Variants in GCKR observed in about 807,000 individuals in gnomAD.
GCKR encodes glucokinase regulator, also known as glucokinase regulatory protein.
GCKR carries 73 observed loss-of-function variants against 82.9 expected under a neutral mutation model. The observed-to-expected ratio is 0.88, with a 90% confidence interval of 0.73 to 1.07. The LOEUF (loss-of-function observed/expected upper bound fraction) is 1.07, where lower values mean the gene tolerates loss of function less well. GCKR is among the 50% of genes least tolerant of loss of function. GCKR has a pLI of 0.00. For synonymous variants in GCKR, 294 were observed against 291.8 expected (o/e 1.01, Z -0.08); for missense variants, 784 against 782.1 (o/e 1.00, Z -0.03).
intron 8 of GCKR, among the ~76,000 whole-genome samples, chr2:27,502,832 CCACAGTGGGCGATT>C (rs1669617789): frequency 6.6e-6 from 1 of 152,198 alleles, no homozygotes; most frequent in Non-Finnish European, 1.5e-5. Context: ...TGAGGTCCTG[CCACAGTGGGCGATT>C]CACAAATTAT....
rs1558437839 is a variant in GCKR at position 27,507,279 on chromosome 2, A to G, written c.1111A>G (p.Met371Val). 1 of 1,612,842 alleles carries G rather than the reference A, an allele frequency of 6.2e-7. No homozygotes were observed. The highest frequency in any genetic ancestry group is 8.5e-7 in the Non-Finnish European group (1 of 1,178,818). The change falls in exon 13 of 19, where the codon ATG becomes GTG. Residue 371 changes from methionine to valine, a missense_variant. Coordinates refer to ENST00000264717, the MANE Select transcript of GCKR (RefSeq NM_001486.4). ...CTTTCTCATTGGTGATCACAGTGAC[A>G]TGTTTAACCAGAAGGCTGAGCTCAC... ...RGFLIGDHSD[M>V]FNQKAELTNQ...
Position 27,523,422 on chromosome 2 carries a change from G to T in GCKR, c.1861G>T (p.Glu621Ter). Residue 621 changes from glutamate (E) to a stop codon, truncating the protein, a stop_gained, in exon 19 of 19, where the codon GAG becomes TAG. Coordinates refer to ENST00000264717, the MANE Select transcript of GCKR (RefSeq NM_001486.4). LOFTEE classifies it high-confidence loss of function. ...KRTADPLEIL[E>*]PDVQ ...CACTGCGGACCCCCTCGAGATCCTA[G>T]AGCCTGACGTTCAGTGAACCCATGT... is the stretch of plus-strand genomic sequence containing the variant. 6.2e-7 allele frequency: 1 copy of T among 1,607,976 alleles called. No homozygotes were observed.
At chr2:27,509,276 C>A (rs1669822714) in intron 16 of GCKR, among the ~76,000 whole-genome samples, 1 of 152,196 alleles carries the variant, frequency 6.6e-6, no homozygotes. Flanking sequence ...GGACTCAGAA[C>A]TCGTATAGAA....
In GCKR at chr2:27,506,884, T is replaced by A; in HGVS notation, c.1065T>A (p.Ala355=). The A allele has an allele frequency of 6.3e-7, 1 of 1,588,062 alleles. No homozygotes were observed. Among genetic ancestry groups the A allele is most frequent in the Non-Finnish European group, 8.6e-7 (1 of 1,156,178 alleles). The change falls in exon 12 of 19, where the codon GCT becomes GCA. Residue 355 remains alanine (A), a splice_region_variant and synonymous_variant. Transcript: ENST00000264717. ...DGVECIHTFG[A]DFRDVRGFLI... is the part of the protein sequence containing the mutation. ...TAGAGTGCATCCACACCTTTGGTGC[T>A]GGTGGGACCCCAGTCCAGATGTTCT...
At position 27,497,370 on chromosome 2, in the gene GCKR, G is replaced by C; in HGVS notation, c.187G>C (p.Glu63Gln). 1 of 1,614,160 alleles carries C rather than the reference G, an allele frequency of 6.2e-7. No individual in the cohort carries two copies. Among genetic ancestry groups the C allele is most frequent in the Non-Finnish European group, 8.5e-7 (1 of 1,180,042 alleles). ...GCAATGTGATGCTGAGATCTTCCAGGAGGAGGGGCAAGCCCTGTCCACATA... is the reference window on the plus strand; with the variant it reads ...GCAATGTGATGCTGAGATCTTCCAGCAGGAGGGGCAAGCCCTGTCCACATA... ...LGQCDAEIFQ[E>Q]EGQALSTYQR... is the part of the protein sequence containing the mutation. Residue 63 changes from glutamate (E) to glutamine (Q), a missense_variant, in exon 2 of 19, where the codon GAG (glutamate) becomes CAG (glutamine). Transcript: ENST00000264717.
At chr2:27,508,392 GT>G in intron 16 of GCKR, 141 bp downstream of exon 16, 1 of 680,648 alleles carries the variant, frequency 1.5e-6, no homozygotes, top group South Asian at 1.6e-5. Context: ...AAGGTCATGG[GT>G]TACCAGGTTA....
intron 16 of GCKR, among the ~76,000 whole-genome samples, chr2:27,513,739 C>A (rs889320387): frequency 4.6e-5 from 7 of 152,096 alleles, no homozygotes; most frequent in African/African-American, 1.7e-4. Context: ...GACATATCCA[C>A]ATCAGTATTT....
rs868767544 is a variant in GCKR, at chr2:27,508,182, G to C, written c.1353G>C (p.Lys451Asn). ...TCTCTCTCCAGATCCCTCTGAAGAA[G>C]CTCTTTCCCTCCATCATCAGCATCA... The part of the protein sequence containing the change: ...VGQTLLIPLK[K>N]LFPSIISITW... The change falls in exon 16 of 19, where the codon AAG (lysine) becomes AAC (asparagine). Residue 451 changes from lysine (K) to asparagine (N), a missense_variant. Transcript: ENST00000264717. 6.2e-7 allele frequency: 1 copy of C among 1,611,244 alleles called. No homozygotes were observed. The highest frequency in any genetic ancestry group is 8.5e-7 in the Non-Finnish European group (1 of 1,177,492).
Position 27,501,099 on chromosome 2 carries a change from C to G in GCKR, c.550-36C>G, listed in dbSNP as rs535058980. ...CCTTGGGCACCACTCAGAGTAATGA[C>G]CCCCTCATCATGCCCTTCTCTCTCT... On this transcript the variant is annotated intron_variant, in intron 7 of 18. Transcript: ENST00000264717. 5.8e-6 allele frequency: 8 copies of G among 1,381,468 alleles called. No individual in the cohort carries two copies. In the East Asian group the frequency reaches 1.6e-4, roughly 28 times the overall value. The allele number at this position is 1,381,468 out of a possible 1,614,324, so 85.6% of individuals were successfully genotyped here.
intron 1 of GCKR, 33 bp from the exon 2 acceptor site, chr2:27,497,211 T>A (rs759933116): frequency 2.5e-5 from 40 of 1,613,862 alleles, no homozygotes; most frequent in Non-Finnish European, 3.4e-5. Flanking sequence ...GGCTTTGGCT[T>A]CCTGCTCCAT....
intron 10 of GCKR, among the ~76,000 whole-genome samples, chr2:27,506,106 C>T (rs1669733874): frequency 6.6e-6 from 1 of 152,062 alleles, no homozygotes; most frequent in African/African-American, 2.4e-5. Flanking sequence ...GCCTGGCTCC[C>T]TAGGGTCCTT....
rs1372714246 is a variant in GCKR at position 27,507,734 on chromosome 2, T to C, written c.1197T>C (p.Ser399=). The C allele has an allele frequency of 4.3e-6, 7 of 1,610,112 alleles. No homozygotes were observed. Among genetic ancestry groups the C allele is most frequent in the Non-Finnish European group, 5.9e-6 (7 of 1,176,562 alleles). Residue 399 remains serine (S), a synonymous_variant, in exon 14 of 19, where the codon TCT becomes TCC. Coordinates refer to ENST00000264717, the MANE Select transcript of GCKR (RefSeq NM_001486.4). ...QEDFLTSILP[S]LTEIDTVVFI... ...ACTTCCTGACTTCCATCCTTCCCTC[T>C]CTCACGGAAATCGATACTGTGGTCT...
chr2:27,506,747 C>A, intron 11 of GCKR, 41 bp from the exon 12 acceptor site: 1 of 1,325,380 alleles, frequency 7.5e-7, no homozygotes, highest in Non-Finnish European at 1.1e-6. Flanking sequence ...GGCCTCTTTG[C>A]ACGGTGATCT....
intron 17 of GCKR, among the ~76,000 whole-genome samples, chr2:27,522,114 C>A (rs1670166025): frequency 6.6e-6 from 1 of 152,136 alleles, no homozygotes; most frequent in Non-Finnish European, 1.5e-5. Flanking sequence ...AACAGTCTTA[C>A]ATTAGTGTGC....
At chr2:27,508,298 T>C (rs1669801149) in intron 16 of GCKR, 47 bp downstream of exon 16, 1 of 1,213,956 alleles carries the variant, frequency 8.2e-7, no homozygotes, top group African/African-American at 1.5e-5. Context: ...GCTCAGAGGG[T>C]GAGGGATTCC....
At chr2:27,516,486 G>T (rs1670013821) in intron 16 of GCKR, among the ~76,000 whole-genome samples, 1 of 150,838 alleles carries the variant, frequency 6.6e-6, no homozygotes, top group Admixed American at 6.6e-5. Context: ...GTAGAGATCA[G>T]GTTTCACCCT....
At chr2:27,511,283 C>T (rs1463431470) in intron 16 of GCKR, among the ~76,000 whole-genome samples, 1 of 152,022 alleles carries the variant, frequency 6.6e-6, no homozygotes, top group Non-Finnish European at 1.5e-5. Flanking sequence ...CTGCCTTGGC[C>T]TCTCGAAGTG....
chr2:27,505,743 G>A lies in GCKR; in HGVS notation c.776G>A (p.Arg259Gln), dbSNP rs146168012. Residue 259 changes from arginine (R) to glutamine (Q), a missense_variant, in exon 10 of 19, where the codon CGG becomes CAG. Transcript: ENST00000264717. ...CCCGAGGGTCTCAGCGGCTCCTCCCGGATGAAAGGTGGAAGTGCCACCAAG... is the reference window on the plus strand; with the variant it reads ...CCCGAGGGTCTCAGCGGCTCCTCCCAGATGAAAGGTGGAAGTGCCACCAAG... ...IGPEGLSGSS[R>Q]MKGGSATKIL... 2.7e-5 allele frequency: 43 copies of A among 1,610,994 alleles called. No homozygotes were observed. Among genetic ancestry groups the A allele is most frequent in the East Asian group, 1.8e-4 (8 of 44,856 alleles).
chr2:27,512,563 A>G (rs1669915447), intron 16 of GCKR, among the ~76,000 whole-genome samples: 2 of 151,644 alleles, frequency 1.3e-5, no homozygotes, highest in African/African-American at 4.8e-5. Context: ...AGATAATTGG[A>G]GATGCCTGAT....
Sources: allele counts gnomAD v4.1 joint callset (sites outside exome capture counted in the v4.1 genomes callset), GRCh38; gene constraint gnomAD v4.1.1; transcripts MANE v1.5; gene names NCBI Gene and HGNC (gene_info 2026-07-23, HGNC 2026-07-21).